The following KIAA1217 variants were observed in gnomAD, a reference collection of about 807,000 sequenced individuals.
KIAA1217 encodes KIAA1217, also known as sickle tail protein homolog.
Under a neutral mutation model 163.9 loss-of-function variants are expected in KIAA1217, and 88 were observed. The ratio of observed to expected loss-of-function variants is 0.54; its 90% confidence interval spans 0.45 to 0.64. The LOEUF (loss-of-function observed/expected upper bound fraction) is 0.64. Ranked by LOEUF, KIAA1217 falls within the 30% of genes least tolerant of loss-of-function variation. KIAA1217 has a pLI of 0.00. For synonymous variants in KIAA1217, 903 were observed against 923.1 expected (o/e 0.98, Z 0.39); for missense variants, 2,372 against 2,475.0 (o/e 0.96, Z 0.88).
intron 17 of KIAA1217, 131 bp downstream of exon 17, chr10:24,537,024 GAC>G: frequency 9.5e-7 from 1 of 1,055,800 alleles, no homozygotes. Context: ...AACTAATGGA[GAC>G]ACAGGCATAG....
intron 3 of KIAA1217, among the ~76,000 whole-genome samples, chr10:24,381,420 A>G (rs376635416): frequency 1.2e-3 from 183 of 152,326 alleles, no homozygotes; most frequent in African/African-American, 4.1e-3. Flanking sequence ...AACAGACCAC[A>G]CAGCAAGAGG....
chr10:23,861,724 C>G (rs528040135), intron 1 of KIAA1217, among the ~76,000 whole-genome samples: 2 of 152,274 alleles, frequency 1.3e-5, no homozygotes, highest in South Asian at 4.1e-4. Context: ...AAGCTCCCAA[C>G]TGGCCATCAG....
At chr10:23,955,216 A>G (rs1844509776) in intron 1 of KIAA1217, among the ~76,000 whole-genome samples, 1 of 152,232 alleles carries the variant, frequency 6.6e-6, no homozygotes. Context: ...GACTGGCTCC[A>G]GAGTCCAAGT....
upstream of KIAA1217, among the ~76,000 whole-genome samples, chr10:24,204,325 C>A (rs541850740): frequency 4.6e-5 from 7 of 152,182 alleles, no homozygotes; most frequent in South Asian, 1.5e-3. Flanking sequence ...GAAATTGTTG[C>A]TCTTAACGCA....
chr10:23,846,969 C>G (rs1350580018), intron 1 of KIAA1217, among the ~76,000 whole-genome samples: 1 of 152,016 alleles, frequency 6.6e-6, no homozygotes, highest in East Asian at 1.9e-4. Flanking sequence ...TGTCAAAGGC[C>G]TTTTCTGCAT....
intron 1 of KIAA1217, among the ~76,000 whole-genome samples, chr10:23,929,197 C>A (rs553168338): frequency 6.6e-6 from 1 of 152,274 alleles, no homozygotes; most frequent in African/African-American, 2.4e-5. Flanking sequence ...TTGTAAAACA[C>A]AAAATCTCTC....
chr10:24,543,816 CA>C lies in KIAA1217; in HGVS notation c.4547del (p.Gln1516ArgfsTer23). 1 of 1,613,972 alleles carries C rather than the reference CA, an allele frequency of 6.2e-7. No homozygotes were observed. ...CCCAGGCAATCTTAGAACCGGACAA[CA>C]GGTGGAAACAAAGTCACAGCCACAC... ...VAPGNLRTGQQVETKSQPHSL... is the reference protein window; with the variant it reads ...VAPGNLRTGQXVETKSQPHSL... On this transcript the variant is annotated frameshift_variant, in exon 19 of 21. Transcript: ENST00000376454. LOFTEE classifies it high-confidence loss of function.
chr10:23,828,845 G>T (rs1044663468), intron 1 of KIAA1217, among the ~76,000 whole-genome samples: 18 of 152,146 alleles, frequency 1.2e-4, no homozygotes, highest in Non-Finnish European at 1.5e-5. Flanking sequence ...TTGGAATGAG[G>T]CTTTTTCTTA....
intron 2 of KIAA1217, among the ~76,000 whole-genome samples, chr10:24,317,965 A>G (rs2043615175): frequency 6.6e-6 from 1 of 151,948 alleles, no homozygotes; most frequent in South Asian, 2.1e-4. Flanking sequence ...CAAACCCCTG[A>G]CTGGGTATTG....
chr10:24,516,736 C>T (rs7910985), intron 10 of KIAA1217, among the ~76,000 whole-genome samples: 45,291 of 152,082 alleles, frequency 0.3, 7,049 homozygotes, highest in Middle Eastern at 0.4. Flanking sequence ...CTACTGTATC[C>T]GTCAGGCAAA....
chr10:23,867,796 G>C (rs1314352158), intron 1 of KIAA1217, among the ~76,000 whole-genome samples: 6 of 152,042 alleles, frequency 3.9e-5, no homozygotes, highest in Non-Finnish European at 7.4e-5. Flanking sequence ...CTCCCATTCT[G>C]TAGGTTGCCT....
intron 2 of KIAA1217, among the ~76,000 whole-genome samples, chr10:24,263,218 C>A (rs1160166522): frequency 6.6e-6 from 1 of 152,216 alleles, no homozygotes; most frequent in Non-Finnish European, 1.5e-5. Flanking sequence ...AGCAACTATG[C>A]ATAAACTTTC....
At chr10:23,727,154 C>T (rs2130778749) in intron 1 of KIAA1217, among the ~76,000 whole-genome samples, 1 of 151,694 alleles carries the variant, frequency 6.6e-6, no homozygotes, top group East Asian at 2.0e-4. Context: ...AGCCTGGCTG[C>T]TTTTTTTGTA....
rs77066102 is a variant in KIAA1217, at chr10:24,386,289, G to A, written c.553+5222G>A. Among the ~76,000 whole-genome samples, 1,582 of 152,266 alleles carry A rather than the reference G, an allele frequency of 0.01. 90 individuals are homozygous for A. In the East Asian group the frequency reaches 0.17, roughly 16 times the overall value. On this transcript the variant is annotated intron_variant, in intron 3 of 20. Transcript: ENST00000376454. The stretch of plus-strand genomic sequence containing the variant: ...AGAGGGAGAAGTTCCTCAGGGGGAC[G>A]AATTATTGAATATCTGTGTGGCTGT...
At chr10:24,397,075 G>A (rs957587995) in intron 3 of KIAA1217, among the ~76,000 whole-genome samples, 5 of 146,522 alleles carry the variant, frequency 3.4e-5, no homozygotes, top group African/African-American at 5.1e-5. Context: ...AGGAGTTTGT[G>A]TTCTGATGGA....
intron 1 of KIAA1217, among the ~76,000 whole-genome samples, chr10:23,801,292 A>T (rs1173491524): frequency 1.1e-4 from 17 of 152,190 alleles, no homozygotes; most frequent in Non-Finnish European, 2.5e-4. Flanking sequence ...ACATGAACAG[A>T]GGCAGGGGAA....
Position 24,088,147 on chromosome 10 carries a change from C to T in KIAA1217, c.-171+80773C>T, listed in dbSNP as rs1225490836. On this transcript the variant is annotated intron_variant, in intron 2 of 18. Transcript: ENST00000376462. ...GAGTTCTTTTTTCATGCAGAAGAAGCTAATGACTTTGAGAAGTCAGAGATG... is the reference window on the plus strand; with the variant it reads ...GAGTTCTTTTTTCATGCAGAAGAAGTTAATGACTTTGAGAAGTCAGAGATG... Among the ~76,000 whole-genome samples, 2 of 121,788 alleles carry T rather than the reference C, an allele frequency of 1.6e-5. 1 individual carries two copies. The highest frequency in any genetic ancestry group is 4.1e-5 in the Non-Finnish European group (2 of 49,268). The allele number at this position is 121,788 out of a possible 152,430, so 79.9% of individuals were successfully genotyped here.
At chr10:24,185,575 A>G (rs2066387797) in intron 2 of KIAA1217, among the ~76,000 whole-genome samples, 1 of 152,088 alleles carries the variant, frequency 6.6e-6, no homozygotes, top group African/African-American at 2.4e-5. Context: ...TGGACGGATT[A>G]CTTGTGGTAA....
chr10:24,160,381 G>A (rs2065066985), intron 2 of KIAA1217, among the ~76,000 whole-genome samples: 1 of 150,962 alleles, frequency 6.6e-6, no homozygotes, highest in Non-Finnish European at 1.5e-5. Context: ...ATTTATTTAG[G>A]ACTTCTTTAA....
Sources: allele counts gnomAD v4.1 joint callset (sites outside exome capture counted in the v4.1 genomes callset), GRCh38; gene constraint gnomAD v4.1.1; transcripts MANE v1.5; gene names NCBI Gene and HGNC (gene_info 2026-07-23, HGNC 2026-07-21).